ZFYVE28: variants seen among roughly 807,000 people sequenced by gnomAD.
ZFYVE28 encodes lateral signaling target protein 2 homolog.
ZFYVE28 carries 40 observed loss-of-function variants against 82.1 expected under a neutral mutation model. The ratio of observed to expected loss-of-function variants is 0.49; its 90% CI spans 0.38 to 0.63. The LOEUF is 0.63. ZFYVE28 is among the 30% of genes least tolerant of loss of function. ZFYVE28 has a pLI of 0.00. For missense variants in ZFYVE28, 1,321 were observed against 1,242.1 expected, an observed-to-expected ratio of 1.06 and a Z score of -0.96; for synonymous variants, 612 against 546.1, an observed-to-expected ratio of 1.12 and a Z score of -1.68.
chr4:2,274,491 G>A (rs907859282), intron 8 of ZFYVE28, among the ~76,000 whole-genome samples: 5 of 151,996 alleles, frequency 3.3e-5, no homozygotes, highest in African/African-American at 4.8e-5. Flanking sequence ...AGCTGGTGGC[G>A]ACTCACCCAC....
intron 1 of ZFYVE28, among the ~76,000 whole-genome samples, chr4:2,402,691 A>G (rs1051838912): frequency 6.6e-6 from 1 of 152,194 alleles, no homozygotes; most frequent in African/African-American, 2.4e-5. Context: ...TTAGAAGGGA[A>G]TATTAAAAAC....
intron 8 of ZFYVE28, among the ~76,000 whole-genome samples, chr4:2,282,588 G>C (rs950044598): frequency 1.3e-5 from 2 of 152,232 alleles, no homozygotes; most frequent in Non-Finnish European, 2.9e-5. Flanking sequence ...CTATGGAAAA[G>C]AAAGACCATA....
chr4:2,377,935 T>C (rs972856787), intron 1 of ZFYVE28, among the ~76,000 whole-genome samples: 6 of 152,236 alleles, frequency 3.9e-5, no homozygotes, highest in African/African-American at 1.4e-4. Flanking sequence ...CTGTTGCTCC[T>C]GGGCCACAAA....
At position 2,326,205 on chromosome 4, in the gene ZFYVE28, C is replaced by G. The variant is rs12650880; in HGVS notation, c.702-5934G>C. 5.8e-3 allele frequency among the ~76,000 whole-genome samples: 879 copies of G among 152,234 alleles called. 18 individuals carry two copies. The highest frequency in any genetic ancestry group is 0.034 in the East Asian group (177 of 5,192). On this transcript the variant is annotated intron_variant, in intron 6 of 12. Transcript: ENST00000290974. ...AGAGTTTCTGGTCTTATATTTAGCT[C>G]TTTAATCCATTTTGAGTTGATTTTT...
Position 2,416,801 on chromosome 4 carries a change from T to TCC in ZFYVE28, c.39+1482_39+1483dup, listed in dbSNP as rs200551420. On this transcript the variant is annotated intron_variant, in intron 1 of 12. Coordinates refer to ENST00000290974, the MANE Select transcript of ZFYVE28 (RefSeq NM_020972.3). The surrounding 1 kb of genome is among the most constrained non-coding windows in gnomAD (Gnocchi z 4.6). ...GGAGTGACGCCACAGGAACCCTGAA[T>TCC]CCCCCCGAGTCCCCTCCCAATCAAG... Among the ~76,000 whole-genome samples the TCC allele has an allele frequency of 1.2e-4, 14 of 113,628 alleles. No individual in the cohort carries two copies. Among genetic ancestry groups the TCC allele is most frequent in the South Asian group, 7.8e-4 (3 of 3,822 alleles). 74.5% of individuals were successfully genotyped at this position (113,628 alleles called of 152,430 possible).
chr4:2,376,636 T>A (rs765448863), intron 1 of ZFYVE28, among the ~76,000 whole-genome samples: 5 of 152,136 alleles, frequency 3.3e-5, no homozygotes, highest in Non-Finnish European at 5.9e-5. Flanking sequence ...TCCTGAGAAT[T>A]CACTCACTGT....
At chr4:2,350,450 C>T (rs1361431453) in intron 2 of ZFYVE28, among the ~76,000 whole-genome samples, 7 of 150,290 alleles carry the variant, frequency 4.7e-5, no homozygotes, top group Middle Eastern at 3.2e-3. Context: ...GGCGACAGAG[C>T]GAGACTCCGT....
At chr4:2,398,627 GAT>G (rs2108931970) in intron 1 of ZFYVE28, among the ~76,000 whole-genome samples, 2 of 143,162 alleles carry the variant, frequency 1.4e-5, no homozygotes, top group Admixed American at 1.4e-4. Context: ...AGTGGGGCAA[GAT>G]CCAGCACACA....
chr4:2,406,684 G>C (rs12499021), intron 1 of ZFYVE28: 2 of 152,110 alleles, frequency 1.3e-5, no homozygotes, highest in East Asian at 1.9e-4. Flanking sequence ...ATTGTTCAAC[G>C]CACAGGTGCA....
intron 1 of ZFYVE28, among the ~76,000 whole-genome samples, chr4:2,365,306 C>T (rs1243758329): frequency 2.0e-5 from 3 of 152,004 alleles, no homozygotes; most frequent in African/African-American, 7.3e-5. Context: ...GGCCGCGCGG[C>T]GCCTGTCACT....
At chr4:2,392,534 A>T (rs190687182) in intron 1 of ZFYVE28, among the ~76,000 whole-genome samples, 1 of 152,336 alleles carries the variant, frequency 6.6e-6, no homozygotes, top group East Asian at 1.9e-4. Context: ...ATTTAAAGCC[A>T]GTGTCTGCAA....
intron 7 of ZFYVE28, among the ~76,000 whole-genome samples, chr4:2,312,017 A>C (rs893042293): frequency 1.3e-5 from 2 of 152,238 alleles, no homozygotes; most frequent in African/African-American, 4.8e-5. Context: ...AAGAATTTAA[A>C]CAGATAATTG....
rs760171384 is a variant in ZFYVE28 at position 2,270,433 on chromosome 4, G to A, written c.*292C>T. ...GCCCCAGCAGATCTCCGAGGGACCA[G>A]TGGGAGGGCCCAGGCCTTCTCCGCC... On this transcript the variant is annotated 3_prime_UTR_variant, in exon 13 of 13. Transcript: ENST00000290974. 2.6e-4 allele frequency: 123 copies of A among 466,204 alleles called. No homozygotes were observed. In the Admixed American group the frequency reaches 3.1e-3, roughly 12 times the overall value. 28.9% of individuals were successfully genotyped at this position (466,204 alleles called of 1,614,324 possible).
At chr4:2,286,650 G>A (rs73797468) in intron 8 of ZFYVE28, 8,600 of 152,300 alleles carry the variant, frequency 0.056, 517 homozygotes, top group African/African-American at 0.15. Context: ...AAGCTGAGAC[G>A]TGGGCTCTTG....
intron 1 of ZFYVE28, among the ~76,000 whole-genome samples, chr4:2,383,614 AC>A (rs1728951062): frequency 6.6e-6 from 1 of 152,094 alleles, no homozygotes; most frequent in Non-Finnish European, 1.5e-5. Flanking sequence ...ACCTCCACTG[AC>A]CCGGTATCTT....
intron 8 of ZFYVE28, among the ~76,000 whole-genome samples, chr4:2,274,830 G>A (rs4267789): frequency 2.4e-4 from 35 of 143,624 alleles, no homozygotes; most frequent in African/African-American, 1.0e-3. Context: ...GACCGGAGAC[G>A]CGGCCCCAAC....
intron 6 of ZFYVE28, among the ~76,000 whole-genome samples, chr4:2,333,739 C>T (rs1386133338): frequency 6.6e-6 from 1 of 152,200 alleles, no homozygotes; most frequent in Non-Finnish European, 1.5e-5. Context: ...AAGGAGACAC[C>T]TGTACCTGAG....
chr4:2,368,538 T>C (rs1230270592), intron 1 of ZFYVE28, among the ~76,000 whole-genome samples: 1 of 152,178 alleles, frequency 6.6e-6, no homozygotes, highest in Non-Finnish European at 1.5e-5. Context: ...TTCATCGACT[T>C]TATCTCTGGA....
At chr4:2,374,182 C>G (rs1187826916) in intron 1 of ZFYVE28, among the ~76,000 whole-genome samples, 1 of 152,216 alleles carries the variant, frequency 6.6e-6, no homozygotes, top group Non-Finnish European at 1.5e-5. Context: ...CTAGAAAAAG[C>G]TCAGGGGCAG....
Sources: allele counts gnomAD v4.1 joint callset (sites outside exome capture counted in the v4.1 genomes callset), GRCh38; gene constraint gnomAD v4.1.1; non-coding constraint Gnocchi (gnomAD v3.1); transcripts MANE v1.5; gene names NCBI Gene and HGNC (gene_info 2026-07-23, HGNC 2026-07-21).